The following RBFOX3 variants were observed in gnomAD, a reference collection of about 807,000 sequenced individuals.
RBFOX3 encodes the protein RNA binding fox-1 homolog 3.
RBFOX3 carries 17 observed loss-of-function variants against 48.7 expected under a neutral mutation model. The observed-to-expected ratio is 0.35, with a 90% CI of 0.24 to 0.52. RBFOX3 has a LOEUF of 0.52. Among genes scored for constraint, RBFOX3 ranks in the 20% least tolerant of loss-of-function variants. The pLI is 0.94. For synonymous variants in RBFOX3, 212 were observed against 209.5 expected, an observed-to-expected ratio of 1.01 and a Z score of -0.10; for missense variants, 382 against 497.5, an observed-to-expected ratio of 0.77 and a Z score of 2.21.
rs1474157177 is a variant in RBFOX3 at position 79,524,279 on chromosome 17, A to G, written c.-319-41681T>C. Among the ~76,000 whole-genome samples, 3 of 152,274 alleles carry G rather than the reference A, an allele frequency of 2.0e-5. No individual in the cohort carries two copies. The East Asian group carries it at 5.8e-4, about 29-fold the overall frequency. On this transcript the variant is annotated intron_variant, in intron 1 of 14. Transcript: ENST00000693108. Reference sequence around the variant, plus strand: ...CACAGTAGACATGCTGCAGGTTCAGAGCCATTTCCCTGGAACCAATATTTA... The same window carrying G: ...CACAGTAGACATGCTGCAGGTTCAGGGCCATTTCCCTGGAACCAATATTTA...
At chr17:79,519,442 G>A (rs2085737682) in intron 1 of RBFOX3, among the ~76,000 whole-genome samples, 1 of 152,254 alleles carries the variant, frequency 6.6e-6, no homozygotes, top group Admixed American at 6.5e-5. Flanking sequence ...CAGGACCAGG[G>A]TGGGTACGGG....
At chr17:79,200,006 C>CA (rs948323104) in intron 4 of RBFOX3, among the ~76,000 whole-genome samples, 16 of 151,744 alleles carry the variant, frequency 1.1e-4, no homozygotes, top group Admixed American at 6.6e-4. Flanking sequence ...ACCAAAAGTA[C>CA]AAAAAAATTA....
intron 1 of RBFOX3, among the ~76,000 whole-genome samples, chr17:79,589,268 TG>T (rs1201570123): frequency 2.0e-5 from 3 of 149,372 alleles, no homozygotes; most frequent in African/African-American, 7.4e-5. Context: ...GGGCTTCTTC[TG>T]GGGGCTCTGA....
chr17:79,589,528 G>A (rs914778418), intron 1 of RBFOX3, among the ~76,000 whole-genome samples: 20 of 152,184 alleles, frequency 1.3e-4, no homozygotes, highest in South Asian at 4.1e-4. Flanking sequence ...AGGTTAGGAC[G>A]TCAACATGGC....
chr17:79,323,907 T>A (rs1466048914), intron 2 of RBFOX3, among the ~76,000 whole-genome samples: 1 of 152,260 alleles, frequency 6.6e-6, no homozygotes, highest in Non-Finnish European at 1.5e-5. Context: ...TGATGAGAAC[T>A]CAGGATCTTG....
chr17:79,236,136 C>T (rs1258091099), intron 3 of RBFOX3, among the ~76,000 whole-genome samples: 1 of 152,206 alleles, frequency 6.6e-6, no homozygotes, highest in East Asian at 1.9e-4. Context: ...ACTCCCCAGC[C>T]TGGTTTGAGG....
Position 79,567,287 on chromosome 17 carries a change from G to C in RBFOX3, c.-320+43539C>G, listed in dbSNP as rs1319818327. Among the ~76,000 whole-genome samples, 3 of 147,262 alleles carry C rather than the reference G, an allele frequency of 2.0e-5. No individual in the cohort carries two copies. The Admixed American group carries it at 2.1e-4, about 10-fold the overall frequency. Reference sequence around the variant, plus strand: ...CAACCTCCAGCTCCCAGGTTCAAGCGATTCTCCTGAGTCAGCCTCCCTAGT... The same window carrying C: ...CAACCTCCAGCTCCCAGGTTCAAGCCATTCTCCTGAGTCAGCCTCCCTAGT... On this transcript the variant is annotated intron_variant, in intron 1 of 14. Coordinates refer to ENST00000693108, the MANE Select transcript of RBFOX3 (RefSeq NM_001350451.2).
chr17:79,392,453 C>T lies in RBFOX3; in HGVS notation c.-174-84629G>A, dbSNP rs192529319. ...GCCACTCACAGGTGCATGGTAATGT[C>T]GGTGGTACAGGTGTCTTGTGGCTGT... On this transcript the variant is annotated intron_variant, in intron 2 of 14. Coordinates refer to ENST00000693108, the MANE Select transcript of RBFOX3 (RefSeq NM_001350451.2). This position sits in a 1 kb window ranked among gnomAD's most constrained non-coding sequence, Gnocchi z 5.0. Among the ~76,000 whole-genome samples, 323 of 152,326 alleles carry T rather than the reference C, an allele frequency of 2.1e-3. No individual in the cohort carries two copies. Among genetic ancestry groups the T allele is most frequent in the Middle Eastern group, 0.02 (6 of 294 alleles).
Position 79,482,960 on chromosome 17 carries a change from G to T in RBFOX3, c.-319-362C>A, listed in dbSNP as rs797036267. Among the ~76,000 whole-genome samples the T allele has an allele frequency of 1.7e-3, 252 of 146,088 alleles. 2 individuals carry two copies. Among genetic ancestry groups the T allele is most frequent in the African/African-American group, 6.0e-3 (236 of 39,064 alleles). ...CCTCCCCATCGCCTTTCCCACTACC[G>T]CCCGCTCTTGCTTCCTCCCCCACCC... On this transcript the variant is annotated intron_variant, in intron 1 of 14. Transcript: ENST00000693108. The surrounding 1 kb of genome is among the most constrained non-coding windows in gnomAD (Gnocchi z 4.1).
At chr17:79,467,218 A>G (rs1234207792) in intron 2 of RBFOX3, among the ~76,000 whole-genome samples, 2 of 151,916 alleles carry the variant, frequency 1.3e-5, no homozygotes, top group African/African-American at 4.8e-5. Flanking sequence ...CACCAGCCAC[A>G]CCGTGCTGCT....
the RBFOX3 span, among the ~76,000 whole-genome samples, chr17:79,645,323 C>T: frequency 6.6e-6 from 1 of 152,222 alleles, no homozygotes; most frequent in South Asian, 2.1e-4. Context: ...CACCCTCCTC[C>T]TCCTGACTAG....
chr17:79,285,290 A>G (rs1372062229), intron 3 of RBFOX3, among the ~76,000 whole-genome samples: 1 of 152,186 alleles, frequency 6.6e-6, no homozygotes, highest in Non-Finnish European at 1.5e-5. Context: ...TAATATGCCC[A>G]CAAGAATTCC....
intron 2 of RBFOX3, among the ~76,000 whole-genome samples, chr17:79,389,947 T>C (rs1339616628): frequency 6.6e-6 from 1 of 151,926 alleles, no homozygotes; most frequent in Non-Finnish European, 1.5e-5. Context: ...GAGCCAGGTC[T>C]CCGCAGCCTC....
At chr17:79,434,200 C>G (rs1047171154) in intron 2 of RBFOX3, among the ~76,000 whole-genome samples, 4 of 152,196 alleles carry the variant, frequency 2.6e-5, no homozygotes, top group African/African-American at 9.7e-5. Context: ...TCAGCTGGGA[C>G]CACATGCATC....
chr17:79,367,350 C>T (rs2057930363), intron 2 of RBFOX3, among the ~76,000 whole-genome samples: 1 of 150,060 alleles, frequency 6.7e-6, no homozygotes, highest in African/African-American at 2.5e-5. Flanking sequence ...CCTCCCCCTC[C>T]TCCTCCTACT....
the RBFOX3 span, among the ~76,000 whole-genome samples, chr17:79,641,768 T>C: frequency 6.6e-6 from 1 of 152,186 alleles, no homozygotes; most frequent in African/African-American, 2.4e-5. Flanking sequence ...GATTGGATTA[T>C]GGGGGAGGTT....
intron 2 of RBFOX3, among the ~76,000 whole-genome samples, chr17:79,415,307 A>G (rs1026304982): frequency 6.6e-6 from 1 of 152,140 alleles, no homozygotes; most frequent in Non-Finnish European, 1.5e-5. Context: ...CCATGGCTGG[A>G]CCCTGAGTGA....
At chr17:79,372,287 A>C (rs1219585378) in intron 2 of RBFOX3, among the ~76,000 whole-genome samples, 1 of 119,140 alleles carries the variant, frequency 8.4e-6, no homozygotes, top group African/African-American at 3.6e-5. Context: ...CCTGGGTCCT[A>C]TAGCCCCTCT....
intron 6 of RBFOX3, among the ~76,000 whole-genome samples, chr17:79,104,847 T>C (rs1397628173): frequency 6.6e-6 from 1 of 151,496 alleles, no homozygotes; most frequent in Non-Finnish European, 1.5e-5. Context: ...GAGGGAAGCA[T>C]AGGAGGGTCT....
Sources: allele counts gnomAD v4.1 joint callset (sites outside exome capture counted in the v4.1 genomes callset), GRCh38; gene constraint gnomAD v4.1.1; non-coding constraint Gnocchi (gnomAD v3.1); transcripts MANE v1.5; gene names NCBI Gene and HGNC (gene_info 2026-07-23, HGNC 2026-07-21).